Variants in CBARP observed in about 807,000 individuals in gnomAD.
CBARP encodes the protein CACN subunit beta associated regulatory protein, also known as voltage-dependent calcium channel beta subunit-associated regulatory protein.
CBARP carries 24 observed loss-of-function variants against 36.3 expected under a neutral mutation model. The observed-to-expected ratio is 0.66, with a 90% CI of 0.48 to 0.93. The LOEUF (loss-of-function observed/expected upper bound fraction) is 0.93. Among genes scored for constraint, CBARP ranks in the 40% least tolerant of loss-of-function variants. The pLI is 0.00. For missense variants in CBARP, 1,146 were observed against 980.4 expected, an observed-to-expected ratio of 1.17 and a Z score of -2.26; for synonymous variants, 586 against 453.2, an observed-to-expected ratio of 1.29 and a Z score of -3.72.
intron 5 of CBARP, 76 bp from the exon 6 acceptor site, chr19:1,234,818 C>T (rs1289624263): frequency 1.3e-6 from 2 of 1,547,280 alleles, no homozygotes; most frequent in Admixed American, 1.9e-5. Flanking sequence ...CTGCCATCCA[C>T]CCTGCCGGCC....
Position 1,231,105 on chromosome 19 carries a change from C to G in CBARP, c.1150G>C (p.Gly384Arg), listed in dbSNP as rs750118611. The change falls in exon 9 of 10, where the codon GGC becomes CGC. Residue 384 changes from glycine (G) to arginine (R), a missense_variant. Physicochemically the swap from Gly to Arg is moderately radical, Grantham distance 125. Transcript: ENST00000650044. ...CCTCCATCTACTGAAAAATACCTGC[C>G]GAGAGCAGGGGGCGGGCTGGCCAGA... Reference protein sequence around the residue: ...PFLASPPPALGRLEAAEAAGG... With the variant: ...PFLASPPPALRRLEAAEAAGG... 1.3e-6 allele frequency: 2 copies of G among 1,597,288 alleles called. No individual in the cohort carries two copies. Among genetic ancestry groups the G allele is most frequent in the African/African-American group, 1.3e-5 (1 of 74,514 alleles).
chr19:1,236,915 C>T (rs2080982970), intron 1 of CBARP, among the ~76,000 whole-genome samples: 1 of 151,248 alleles, frequency 6.6e-6, no homozygotes, highest in African/African-American at 2.4e-5. Context: ...GCCGCCTCCC[C>T]GCCGTGCCCA....
At chr19:1,236,856 G>T (rs927084430) in intron 1 of CBARP, among the ~76,000 whole-genome samples, 2 of 146,398 alleles carry the variant, frequency 1.4e-5, no homozygotes, top group Admixed American at 6.8e-5. Flanking sequence ...CGGCCTGGGG[G>T]GGGGCGGCGG....
At chr19:1,232,200 T>TTTA (rs2080903248) in intron 8 of CBARP, among the ~76,000 whole-genome samples, 1 of 152,084 alleles carries the variant, frequency 6.6e-6, no homozygotes, top group African/African-American at 2.4e-5. Flanking sequence ...GGACTCTAAA[T>TTTA]GTCTCTAGTC....
At position 1,229,676 on chromosome 19, in the gene CBARP, TGTA is replaced by T; in HGVS notation, c.1618_1620del (p.Tyr540del). The T allele has an allele frequency of 3.6e-6, 4 of 1,100,480 alleles. No individual in the cohort carries two copies. The highest frequency in any genetic ancestry group is 4.5e-6 in the Non-Finnish European group (4 of 891,060). 68.2% of individuals were successfully genotyped at this position (1,100,480 alleles called of 1,614,324 possible). On this transcript the variant is annotated inframe_deletion, in exon 10 of 10. Transcript: ENST00000650044. The surrounding 1 kb of genome is among the most constrained non-coding windows in gnomAD (Gnocchi z 5.1). ...AGCGCGTCCGTCTTCTCGTCGATGCTGTAGTCGCGGCGCGGGCGGCGGGGCCAG... is the reference window on the plus strand; with the variant it reads ...AGCGCGTCCGTCTTCTCGTCGATGCTGTCGCGGCGCGGGCGGCGGGGCCAG...
intron 7 of CBARP, among the ~76,000 whole-genome samples, chr19:1,233,989 G>T (rs1026323799): frequency 6.6e-6 from 1 of 152,214 alleles, no homozygotes; most frequent in Non-Finnish European, 1.5e-5. Flanking sequence ...GGAGCCTGGG[G>T]TGCCCCCTGC....
intron 8 of CBARP, among the ~76,000 whole-genome samples, chr19:1,232,205 C>T (rs1373862909): frequency 6.6e-6 from 1 of 152,148 alleles, no homozygotes; most frequent in Non-Finnish European, 1.5e-5. Flanking sequence ...CTAAATGTCT[C>T]TAGTCACCCC....
In CBARP at chr19:1,236,136, C is replaced by G; in HGVS notation, c.-21-15G>C. 7.1e-7 allele frequency: 1 copy of G among 1,408,552 alleles called. No individual in the cohort carries two copies. Among genetic ancestry groups the G allele is most frequent in the South Asian group, 1.6e-5 (1 of 64,512 alleles). The allele number at this position is 1,408,552 out of a possible 1,614,324, so 87.3% of individuals were successfully genotyped here. A position where few individuals can be genotyped will look rare whatever the true frequency, so the allele number is the denominator to read the frequency against. The stretch of plus-strand genomic sequence containing the variant: ...GGAGGAGGGCCCTGTGGGGAGGAAG[C>G]CTGGTCAGCTCCAGCTAGACCTACT... On this transcript the variant is annotated splice_polypyrimidine_tract_variant and intron_variant, in intron 1 of 9. Transcript: ENST00000650044.
At position 1,234,327 on chromosome 19, in the gene CBARP, G is replaced by T; in HGVS notation, c.632C>A (p.Pro211Gln). The T allele has an allele frequency of 6.9e-7, 1 of 1,441,244 alleles. No homozygotes were observed. The highest frequency in any genetic ancestry group is 9.1e-7 in the Non-Finnish European group (1 of 1,095,038). The allele number at this position is 1,441,244 out of a possible 1,614,324, so 89.3% of individuals were successfully genotyped here. Residue 211 changes from proline (P) to glutamine (Q), a missense_variant, in exon 7 of 10, where the codon CCG becomes CAG. Pro to Gln is a moderately conservative substitution (Grantham distance 76). Transcript: ENST00000650044. ...AGAGCGGCCGGTGAGGGCCTTCCCC[G>T]GGGGCTGTGGGACAGAGCCAGGTGG... ...PKATLAIFQP[P>Q]GKALTGRSVG...
At chr19:1,236,177 A>T in intron 1 of CBARP, 56 bp from the exon 2 acceptor site, 1 of 1,363,878 alleles carries the variant, frequency 7.3e-7, no homozygotes, top group Non-Finnish European at 9.4e-7. Flanking sequence ...TGCAGGAGCC[A>T]CTGCAGACAA....
Position 1,234,609 on chromosome 19 carries a change from G to A in CBARP, c.589C>T (p.Pro197Ser), listed in dbSNP as rs536793767. The change falls in exon 6 of 10, where the codon CCG becomes TCG. Residue 197 changes from proline to serine, a missense_variant. Pro to Ser is a moderately conservative substitution (Grantham distance 74). Transcript: ENST00000650044. ...AGAGTGGCCTTGGGAGAGGTGGCCG[G>A]GTGGGGCGTGGTGGCTGAGCTGGCC... ...GEASSATTPH[P>S]ATSPKATLAI... is the part of the protein sequence containing the mutation. 1.9e-6 allele frequency: 3 copies of A among 1,608,460 alleles called. No individual in the cohort carries two copies. The highest frequency in any genetic ancestry group is 2.2e-5 in the East Asian group (1 of 44,692).
At chr19:1,230,824 C>G (rs894750835) in intron 9 of CBARP, 1 of 1,471,756 alleles carries the variant, frequency 6.8e-7, no homozygotes, top group Non-Finnish European at 8.9e-7. Context: ...AGGCCTCGGA[C>G]TCCACCAGCA....
In CBARP at chr19:1,228,358, G is replaced by C. The variant is rs886450107; in HGVS notation, c.*821C>G. The C allele has an allele frequency of 1.3e-5, 3 of 239,850 alleles. No individual in the cohort carries two copies. Among genetic ancestry groups the C allele is most frequent in the Non-Finnish European group, 2.4e-5 (3 of 124,738 alleles). The allele number at this position is 239,850 out of a possible 1,614,324, so 14.9% of individuals were successfully genotyped here. A position where few individuals can be genotyped will look rare whatever the true frequency, so the allele number is the denominator to read the frequency against. On this transcript the variant is annotated 3_prime_UTR_variant, in exon 10 of 10. Transcript: ENST00000650044. The stretch of plus-strand genomic sequence containing the variant: ...CGCCATCGCGGGATGGTGCAGACGC[G>C]GCGGGGACTCGGAGGGTGCCGTGCG...
chr19:1,230,310 C>T (rs1286778226), intron 9 of CBARP, 168 bp from the exon 10 acceptor site: 3 of 988,848 alleles, frequency 3.0e-6, no homozygotes, highest in African/African-American at 1.7e-5. Flanking sequence ...GCAGGGGATG[C>T]GTCTTGCATT....
Position 1,229,870 on chromosome 19 carries a change from G to A in CBARP, c.1427C>T (p.Ala476Val), listed in dbSNP as rs2080866266. 2 of 992,138 alleles carry A rather than the reference G, an allele frequency of 2.0e-6. No homozygotes were observed. The highest frequency in any genetic ancestry group is 3.9e-5 in the South Asian group (1 of 25,396). 61.5% of individuals were successfully genotyped at this position (992,138 alleles called of 1,614,324 possible). Residue 476 changes from alanine (A) to valine (V), a missense_variant, in exon 10 of 10, where the codon GCG (alanine) becomes GTG (valine). Transcript: ENST00000650044. This position sits in a 1 kb window ranked among gnomAD's most constrained non-coding sequence, Gnocchi z 5.1. ...GDSSGSGSGG[A>V]APAFPPPSPP... ...GGAGGGCGGCGGGAAGGCGGGCGCCGCGCCCCCGGAGCCTGAGCCCGAGCT... is the reference window on the plus strand; with the variant it reads ...GGAGGGCGGCGGGAAGGCGGGCGCCACGCCCCCGGAGCCTGAGCCCGAGCT...
At position 1,234,149 on chromosome 19, in the gene CBARP, C is replaced by G. The variant is rs763789967; in HGVS notation, c.768+42G>C. 3.4e-6 allele frequency: 5 copies of G among 1,452,504 alleles called. No individual in the cohort carries two copies. The East Asian group carries it at 1.3e-4, about 37-fold the overall frequency. The allele number at this position is 1,452,504 out of a possible 1,614,324, so 90.0% of individuals were successfully genotyped here. The stretch of plus-strand genomic sequence containing the variant: ...TGGGGACAGGGAGGGGAAGGAGCCT[C>G]CCCGGCTGTGGACACCATGGGGGAC... On this transcript the variant is annotated intron_variant, in intron 7 of 9. Coordinates refer to ENST00000650044, the MANE Select transcript of CBARP (RefSeq NM_001393918.1).
intron 9 of CBARP, chr19:1,230,783 G>T: frequency 2.2e-6 from 3 of 1,391,790 alleles, no homozygotes; most frequent in Non-Finnish European, 2.8e-6. Context: ...GCGGGGGTGG[G>T]AGAGGGCCTG....
At chr19:1,237,721 T>C (rs1345943039) in intron 1 of CBARP, 35 bp downstream of exon 1, 1 of 150,780 alleles carries the variant, frequency 6.6e-6, no homozygotes, top group African/African-American at 2.4e-5. Context: ...CTGTCCCCCG[T>C]CCGCCCCCCG....
intron 8 of CBARP, among the ~76,000 whole-genome samples, 160 bp from the exon 9 acceptor site, chr19:1,231,435 C>T (rs2080891518): frequency 8.4e-6 from 1 of 119,430 alleles, no homozygotes; most frequent in Non-Finnish European, 1.8e-5. Context: ...ACAACGTGTG[C>T]CCCCCACACA....
Sources: gnomAD v4.1 joint callset for allele counts (sites outside exome capture counted in the v4.1 genomes callset) on GRCh38, gnomAD v4.1.1 for gene constraint, Gnocchi (gnomAD v3.1) non-coding constraint, MANE v1.5 for transcripts, NCBI Gene and HGNC (gene_info 2026-07-23, HGNC 2026-07-21) for gene names.